NFIC: variants seen among roughly 807,000 people sequenced by gnomAD.
The protein encoded by NFIC is nuclear factor 1 C-type.
Under a neutral mutation model 54.4 loss-of-function variants are expected in NFIC, and 12 were observed. That is an observed-to-expected ratio of 0.22 (90% CI 0.14 to 0.36). NFIC has a LOEUF of 0.36. Ranked by LOEUF, NFIC falls within the 10% of genes least tolerant of loss-of-function variation. NFIC has a pLI of 1.00. For synonymous variants in NFIC, 322 were observed against 319.2 expected (o/e 1.01, Z -0.09); for missense variants, 575 against 718.2 (o/e 0.80, Z 2.28).
At position 3,425,176 on chromosome 19, in the gene NFIC, G is replaced by C; in HGVS notation, c.633G>C (p.Leu211=). 1 of 1,610,340 alleles carries C rather than the reference G, an allele frequency of 6.2e-7. No homozygotes were observed. The highest frequency in any genetic ancestry group is 8.5e-7 in the Non-Finnish European group (1 of 1,179,294). The change falls in exon 3 of 11, where the codon CTG becomes CTC. Residue 211 remains leucine, a splice_region_variant and synonymous_variant. Transcript: ENST00000443272. ...AGGAGGACAGCAAGCCCATCACGCT[G>C]GGTGAGTCTGGGGGCAGCGTGGCGG... is the stretch of plus-strand genomic sequence containing the variant. ...SDQEDSKPIT[L]DTTDFQESFV...
At chr19:3,449,651 T>C (rs557850665) in intron 7 of NFIC, among the ~76,000 whole-genome samples, 1 of 148,392 alleles carries the variant, frequency 6.7e-6, no homozygotes, top group South Asian at 2.1e-4. Context: ...TCCCAGCTAC[T>C]GGGGAGGCTG....
chr19:3,362,621 G>A (rs1029071685), upstream of NFIC, among the ~76,000 whole-genome samples: 12 of 152,050 alleles, frequency 7.9e-5, no homozygotes, highest in Admixed American at 5.2e-4. Context: ...TCTGTAGGTC[G>A]TAGTGTGTGG....
At chr19:3,455,998 G>A (rs372175808) in intron 9 of NFIC, among the ~76,000 whole-genome samples, 40 of 152,146 alleles carry the variant, frequency 2.6e-4, no homozygotes, top group Admixed American at 2.6e-4. Flanking sequence ...CCTGGGTCCC[G>A]GCCTGTCTGA....
chr19:3,462,929 C>A lies in NFIC; in HGVS notation c.*160C>A. 1 of 1,486,400 alleles carries A rather than the reference C, an allele frequency of 6.7e-7. No individual in the cohort carries two copies. The highest frequency in any genetic ancestry group is 8.9e-7 in the Non-Finnish European group (1 of 1,126,026). The allele number at this position is 1,486,400 out of a possible 1,614,324, so 92.1% of individuals were successfully genotyped here. A position where few individuals can be genotyped will look rare whatever the true frequency, so the allele number is the denominator to read the frequency against. On this transcript the variant is annotated 3_prime_UTR_variant, in exon 11 of 11. Coordinates refer to ENST00000443272, the MANE Select transcript of NFIC (RefSeq NM_001245002.2). ...AAAAGACAAAACACATAGACGCACA[C>A]ACTCAGGAGGAAAAGAAAAAACAAA...
chr19:3,397,390 C>T (rs558229701), intron 2 of NFIC, among the ~76,000 whole-genome samples: 3 of 152,200 alleles, frequency 2.0e-5, no homozygotes, highest in African/African-American at 4.8e-5. Context: ...GCTTTGGTGC[C>T]GGTGAGCAGG....
intron 2 of NFIC, among the ~76,000 whole-genome samples, chr19:3,420,495 G>A (rs1488251499): frequency 6.6e-6 from 1 of 151,846 alleles, no homozygotes; most frequent in Non-Finnish European, 1.5e-5. Flanking sequence ...CAATGAGCTG[G>A]ATCGTGCCAC....
intron 1 of NFIC, among the ~76,000 whole-genome samples, chr19:3,377,866 T>A (rs2081135312): frequency 6.6e-6 from 1 of 151,874 alleles, no homozygotes; most frequent in Non-Finnish European, 1.5e-5. Context: ...AAGTGATCTC[T>A]CCACCTCGGC....
Position 3,433,541 on chromosome 19 carries a change from T to C in NFIC, c.658T>C (p.Phe220Leu), listed in dbSNP as rs1254039674. The change falls in exon 4 of 11, where the codon TTT becomes CTT. Residue 220 changes from phenylalanine to leucine, a missense_variant. By Grantham distance (22) the Phe-to-Leu change is conservative (BLOSUM62 0). Around this residue, in one of 3 missense-constraint regions of NFIC, gnomAD observed 447 missense variants for 526.9 expected, o/e 0.85. Transcript: ENST00000443272. The stretch of plus-strand genomic sequence containing the variant: ...AGACACGACCGACTTCCAGGAGAGC[T>C]TTGTCACCTCCGGCGTGTTCAGCGT... ...TLDTTDFQES[F>L]VTSGVFSVTE... The C allele has an allele frequency of 1.9e-6, 3 of 1,613,790 alleles. No homozygotes were observed. Among genetic ancestry groups the C allele is most frequent in the Non-Finnish European group, 1.7e-6 (2 of 1,179,876 alleles).
chr19:3,397,822 A>G (rs2081489082), intron 2 of NFIC, among the ~76,000 whole-genome samples: 1 of 152,124 alleles, frequency 6.6e-6, no homozygotes, highest in Non-Finnish European at 1.5e-5. Context: ...CCACTCCCAA[A>G]TCCCACACCC....
chr19:3,434,919 C>T, intron 5 of NFIC, 164 bp from the exon 6 acceptor site: 2 of 907,362 alleles, frequency 2.2e-6, no homozygotes, highest in East Asian at 2.8e-5. Context: ...TTGGAACAGG[C>T]GTTCGTAGGG....
At chr19:3,449,573 A>G (rs192790729) in intron 7 of NFIC, among the ~76,000 whole-genome samples, 2 of 152,168 alleles carry the variant, frequency 1.3e-5, no homozygotes, top group African/African-American at 4.8e-5. Flanking sequence ...CAGCCTGGCC[A>G]ACATGGTGAA....
rs2082692625 is a variant in NFIC at position 3,464,657 on chromosome 19, G to T, written c.*1888G>T. ...CACCTGCTCCTAGCCTCACCCCCCTGCCCCCGAAAACCAGACTCTCCTCCC... is the reference window on the plus strand; with the variant it reads ...CACCTGCTCCTAGCCTCACCCCCCTTCCCCCGAAAACCAGACTCTCCTCCC... On this transcript the variant is annotated 3_prime_UTR_variant, in exon 11 of 11. Coordinates refer to ENST00000443272, the MANE Select transcript of NFIC (RefSeq NM_001245002.2). The T allele has an allele frequency of 3.1e-6, 3 of 981,244 alleles. No homozygotes were observed. Among genetic ancestry groups the T allele is most frequent in the Admixed American group, 1.3e-4 (2 of 15,690 alleles). The allele number at this position is 981,244 out of a possible 1,614,324, so 60.8% of individuals were successfully genotyped here.
At chr19:3,401,968 C>T (rs946030112) in intron 2 of NFIC, among the ~76,000 whole-genome samples, 3 of 152,064 alleles carry the variant, frequency 2.0e-5, no homozygotes, top group Non-Finnish European at 4.4e-5. Context: ...TTGATCCAAC[C>T]GCCTCGACCT....
Position 3,464,447 on chromosome 19 carries a change from C to T in NFIC, c.*1678C>T. On this transcript the variant is annotated 3_prime_UTR_variant, in exon 11 of 11. Transcript: ENST00000443272. ...CACACCTCCACCCCCACCCCAGGATCGCCATCTTTAGGGGAGGCCTGGGAG... is the reference window on the plus strand; with the variant it reads ...CACACCTCCACCCCCACCCCAGGATTGCCATCTTTAGGGGAGGCCTGGGAG... The T allele has an allele frequency of 1.0e-6, 1 of 984,212 alleles. No homozygotes were observed. The highest frequency in any genetic ancestry group is 1.8e-5 in the African/African-American group (1 of 56,984). 61.0% of individuals were successfully genotyped at this position (984,212 alleles called of 1,614,324 possible).
Position 3,371,884 on chromosome 19 carries a change from C to CTTCCTTCCTTCCTTCCTTCT in NFIC, c.30+5237_30+5238insTTTCCTTCCTTCCTTCCTTC, listed in dbSNP as rs1173112085. Among the ~76,000 whole-genome samples the CTTCCTTCCTTCCTTCCTTCT allele has an allele frequency of 3.0e-3, 144 of 47,802 alleles. 6 individuals are homozygous for CTTCCTTCCTTCCTTCCTTCT. Among genetic ancestry groups the CTTCCTTCCTTCCTTCCTTCT allele is most frequent in the Middle Eastern group, 7.8e-3 (1 of 128 alleles). 31.4% of individuals were successfully genotyped at this position (47,802 alleles called of 152,430 possible). On this transcript the variant is annotated intron_variant, in intron 1 of 10. Coordinates refer to ENST00000443272, the MANE Select transcript of NFIC (RefSeq NM_001245002.2). ...TTTCTTTCTTTTTTCTTTCTCTCTC[C>CTTCCTTCCTTCCTTCCTTCT]TTCCTTCCTTCCTTCCTTCCTTCCT...
chr19:3,390,969 C>T (rs1382780680), intron 2 of NFIC, among the ~76,000 whole-genome samples: 3 of 152,056 alleles, frequency 2.0e-5, no homozygotes, highest in Admixed American at 6.6e-5. Flanking sequence ...CCTATGAATA[C>T]GCTTAATGCT....
At chr19:3,363,267 ATATT>A (rs1324455470), upstream of NFIC, among the ~76,000 whole-genome samples, 127 of 47,026 alleles carry the variant, frequency 2.7e-3, no homozygotes, top group Non-Finnish European at 3.0e-3. Context: ...ATATATATAT[ATATT>A]TTTTTTTTTT....
intron 2 of NFIC, among the ~76,000 whole-genome samples, chr19:3,407,725 C>T (rs1241706648): frequency 2.0e-5 from 3 of 152,170 alleles, no homozygotes; most frequent in African/African-American, 7.2e-5. Flanking sequence ...TGAGCCACCG[C>T]GCCCGGGTGA....
intron 6 of NFIC, among the ~76,000 whole-genome samples, chr19:3,445,723 C>A (rs10401784): frequency 0.47 from 71,261 of 152,040 alleles, 20,044 homozygotes; most frequent in Non-Finnish European, 0.64. Flanking sequence ...TCAGAGAGGA[C>A]GGAAGTTCCC....
Sources: gnomAD v4.1 joint callset for allele counts (sites outside exome capture counted in the v4.1 genomes callset) on GRCh38, gnomAD v4.1.1 for gene constraint, gnomAD v4.1.1 regional missense constraint, MANE v1.5 for transcripts, NCBI Gene and HGNC (gene_info 2026-07-23, HGNC 2026-07-21) for gene names.